AGT: variants seen among roughly 807,000 people sequenced by gnomAD.
AGT encodes the protein alpha-1 antiproteinase, antitrypsin.
Under a neutral mutation model 28.1 loss-of-function variants are expected in AGT, and 26 were observed. The ratio of observed to expected loss-of-function variants is 0.92; its 90% CI spans 0.68 to 1.28. AGT has a LOEUF of 1.28. Ranked by LOEUF, AGT falls within the 50% of genes most tolerant of loss-of-function variation. AGT has a pLI of 0.00. For missense variants in AGT, 596 were observed against 592.3 expected (o/e 1.01, Z -0.06); for synonymous variants, 259 against 259.6 (o/e 1.00, Z 0.02).
rs76672722 is a variant in AGT, at chr1:230,732,660, G to A, written c.-31+12855C>T. Among the ~76,000 whole-genome samples, 1,399 of 152,266 alleles carry A rather than the reference G, an allele frequency of 9.2e-3. 8 individuals carry two copies. The highest frequency in any genetic ancestry group is 0.028 in the African/African-American group (1,163 of 41,560). The stretch of plus-strand genomic sequence containing the variant: ...ATATTATATACTGTGCACAAAGTAA[G>A]CTACAGAAAATAAAATGTTACTAAG... On this transcript the variant is annotated intron_variant, in intron 1 of 4. Coordinates refer to the AGT transcript ENST00000681269.
At chr1:230,722,339 G>C (rs2102798647) in intron 1 of AGT, among the ~76,000 whole-genome samples, 1 of 152,338 alleles carries the variant, frequency 6.6e-6, no homozygotes. Context: ...ATCCCATGAA[G>C]AACTTCTGCT....
At chr1:230,729,604 C>G (rs2478525) in intron 1 of AGT, among the ~76,000 whole-genome samples, 55,378 of 151,974 alleles carry the variant, frequency 0.36, 11,567 homozygotes, top group East Asian at 0.67. Context: ...GGGAGGGTGA[C>G]AGCCTGCCTT....
chr1:230,742,029 CTGAG>C (rs1664256325), intron 1 of AGT, among the ~76,000 whole-genome samples: 1 of 152,024 alleles, frequency 6.6e-6, no homozygotes, highest in South Asian at 2.1e-4. Flanking sequence ...GCACTCCAGC[CTGAG>C]TGACAGAGCA....
At chr1:230,742,847 C>T (rs573413389) in intron 1 of AGT, among the ~76,000 whole-genome samples, 24 of 152,250 alleles carry the variant, frequency 1.6e-4, no homozygotes, top group Non-Finnish European at 2.5e-4. Context: ...TTTCGGGGTG[C>T]GGCTCTATCA....
upstream of AGT, among the ~76,000 whole-genome samples, chr1:230,717,574 G>A (rs1331316201): frequency 1.3e-5 from 2 of 152,136 alleles, no homozygotes; most frequent in Non-Finnish European, 1.5e-5. Flanking sequence ...GTTCTCTGCT[G>A]GGATCAGAAC....
intron 1 of AGT, among the ~76,000 whole-genome samples, chr1:230,719,656 C>T (rs1399856099): frequency 6.6e-6 from 1 of 152,104 alleles, no homozygotes; most frequent in Non-Finnish European, 1.5e-5. Flanking sequence ...ATCCGCCTGC[C>T]TCGGCCTCCC....
At chr1:230,705,698 T>A (rs1250693486) in intron 3 of AGT, among the ~76,000 whole-genome samples, 1 of 152,196 alleles carries the variant, frequency 6.6e-6, no homozygotes, top group Non-Finnish European at 1.5e-5. Context: ...ATTCTTCCTC[T>A]CCTCCTTTAC....
Position 230,704,344 on chromosome 1 carries a change from A to T in AGT, c.1098-7T>A. On this transcript the variant is annotated splice_region_variant and splice_polypyrimidine_tract_variant and intron_variant, in intron 3 of 4. Transcript: ENST00000366667. ...CATGGTCAGGTGGATGGTCCTGGGG[A>T]GATGATGCACAGTTAGGAAGGCTCC... 6.2e-7 allele frequency: 1 copy of T among 1,614,038 alleles called. No homozygotes were observed. Among genetic ancestry groups the T allele is most frequent in the Non-Finnish European group, 8.5e-7 (1 of 1,179,986 alleles).
In AGT at chr1:230,710,237, A is replaced by G; in HGVS notation, c.587T>C (p.Leu196Pro). The G allele has an allele frequency of 6.2e-7, 1 of 1,613,652 alleles. No individual in the cohort carries two copies. The highest frequency in any genetic ancestry group is 8.5e-7 in the Non-Finnish European group (1 of 1,179,946). ...TGTGAACACGCCCACCACCGTGGACAGCAGCAGCTGGGCCTGGCTATCAGC... is the reference window on the plus strand; with the variant it reads ...TGTGAACACGCCCACCACCGTGGACGGCAGCAGCTGGGCCTGGCTATCAGC... ...GRADSQAQLLLSTVVGVFTAP... is the reference protein window; with the variant it reads ...GRADSQAQLLPSTVVGVFTAP... Residue 196 changes from leucine to proline, a missense_variant, in exon 2 of 5, where the codon CTG becomes CCG. Physicochemically the swap from Leu to Pro is moderately conservative, Grantham distance 98 (BLOSUM62 -3). Transcript: ENST00000366667.
At position 230,710,846 on chromosome 1, in the gene AGT, C is replaced by T. The variant is rs61731498; in HGVS notation, c.-23G>A. On this transcript the variant is annotated 5_prime_UTR_variant, in exon 2 of 5. Coordinates refer to ENST00000366667, the MANE Select transcript of AGT (RefSeq NM_001384479.1). Reference sequence around the variant, plus strand: ...CATCTCAGACTGGGGTGCTCGCTTCCGCATACCCTGAAATATCATTTTGCA... The same window carrying T: ...CATCTCAGACTGGGGTGCTCGCTTCTGCATACCCTGAAATATCATTTTGCA... The T allele has an allele frequency of 2.0e-5, 33 of 1,612,858 alleles. No individual in the cohort carries two copies. The highest frequency in any genetic ancestry group is 1.5e-4 in the African/African-American group (11 of 75,034).
At chr1:230,741,519 C>A (rs1427025317) in intron 1 of AGT, among the ~76,000 whole-genome samples, 2 of 152,194 alleles carry the variant, frequency 1.3e-5, no homozygotes, top group Admixed American at 6.5e-5. Flanking sequence ...TGGCTCTTAC[C>A]CTATGGTGTG....
At chr1:230,727,855 C>T (rs1663972933) in intron 1 of AGT, among the ~76,000 whole-genome samples, 1 of 152,198 alleles carries the variant, frequency 6.6e-6, no homozygotes, top group African/African-American at 2.4e-5. Context: ...AGCTCATCTT[C>T]CCCACTGCCC....
Position 230,704,180 on chromosome 1 carries a change from G to A in AGT, c.1242+13C>T, listed in dbSNP as rs778690292. The A allele has an allele frequency of 2.5e-6, 4 of 1,614,254 alleles. No individual in the cohort carries two copies. The East Asian group carries it at 6.7e-5, about 27-fold the overall frequency. ...GGAACCCAGGTCAGGCACAGACACA[G>A]GCTCACACATACCTCCCCCACCCTG... On this transcript the variant is annotated intron_variant, in intron 4 of 4. Transcript: ENST00000366667.
At chr1:230,720,203 T>C (rs1276108396) in intron 1 of AGT, among the ~76,000 whole-genome samples, 1 of 152,192 alleles carries the variant, frequency 6.6e-6, no homozygotes, top group Non-Finnish European at 1.5e-5. Flanking sequence ...GCTCACTGTG[T>C]GCAAACTCCA....
chr1:230,708,994 T>C (rs1032841439), intron 2 of AGT, among the ~76,000 whole-genome samples: 2 of 152,190 alleles, frequency 1.3e-5, no homozygotes, highest in Non-Finnish European at 2.9e-5. Context: ...GCTGGGCTCA[T>C]CATGCTTGCT....
intron 2 of AGT, among the ~76,000 whole-genome samples, chr1:230,707,158 G>A (rs1487857095): frequency 6.6e-6 from 1 of 152,230 alleles, no homozygotes; most frequent in Non-Finnish European, 1.5e-5. Context: ...GAGAACTCGG[G>A]AGAGCCCGTT....
chr1:230,709,088 C>T (rs1663484372), intron 2 of AGT, among the ~76,000 whole-genome samples: 1 of 152,170 alleles, frequency 6.6e-6, no homozygotes, highest in Admixed American at 6.5e-5. Context: ...CTGAGAGCCC[C>T]GAGGCTTCCC....
intron 1 of AGT, among the ~76,000 whole-genome samples, chr1:230,731,290 G>A (rs1351564385): frequency 6.6e-6 from 1 of 152,124 alleles, no homozygotes; most frequent in African/African-American, 2.4e-5. Flanking sequence ...GCTTCTAGCG[G>A]TCCCACAGGC....
At chr1:230,724,823 C>CACAA (rs754169820) in intron 1 of AGT, among the ~76,000 whole-genome samples, 38 of 152,164 alleles carry the variant, frequency 2.5e-4, no homozygotes, top group African/African-American at 7.0e-4. Flanking sequence ...AAGACATTGT[C>CACAA]ACAAACAAAC....
Sources: gnomAD v4.1 joint callset for allele counts (sites outside exome capture counted in the v4.1 genomes callset) on GRCh38, gnomAD v4.1.1 for gene constraint, MANE v1.5 for transcripts, NCBI Gene and HGNC (gene_info 2026-07-23, HGNC 2026-07-21) for gene names.